Variants in OR10A6 observed in about 807,000 individuals in gnomAD.
OR10A6 encodes olfactory receptor 10A6.
A neutral mutation model predicts 1.5 loss-of-function variants in OR10A6; 2 were observed. The ratio of observed to expected loss-of-function variants is 1.31; its 90% CI spans 0.54 to 4.13. The LOEUF is 4.13. Among genes scored for constraint, OR10A6 ranks in the 30% most tolerant of loss-of-function variants. The pLI, the probability that OR10A6 is intolerant of heterozygous loss-of-function variation, is 0.07. For synonymous variants in OR10A6, 169 were observed against 137.3 expected, an observed-to-expected ratio of 1.23 and a Z score of -1.61; for missense variants, 492 against 368.6, an observed-to-expected ratio of 1.33 and a Z score of -2.74.
Position 7,930,021 on chromosome 11 carries a change from A to T in OR10A6, c.-1359T>A, listed in dbSNP as rs1859505758. On this transcript the variant is annotated 5_prime_UTR_variant, in exon 4 of 4. Transcript: ENST00000641238. ...AATCCCTCACTAGAGCTTAGCTCCC[A>T]GAGGGCAAAGATTTTGTTTGCTTCT... 1 of 87,708 alleles carries T rather than the reference A, an allele frequency of 1.1e-5. No homozygotes were observed. The highest frequency in any genetic ancestry group is 2.1e-5 in the Non-Finnish European group (1 of 46,692). The allele number at this position is 87,708 out of a possible 1,614,324, so 5.4% of individuals were successfully genotyped here. A position where few individuals can be genotyped will look rare whatever the true frequency, so the allele number is the denominator to read the frequency against.
chr11:7,926,908 A>G lies in OR10A6; in HGVS notation c.*810T>C, dbSNP rs902664197. ...TTATGTCCCACAACAAAAAAACACA[A>G]TCATACATTGTTTGGCCTGTATGAG... is the stretch of plus-strand genomic sequence containing the variant. On this transcript the variant is annotated 3_prime_UTR_variant, in exon 4 of 4. Transcript: ENST00000641238. 24 of 152,204 alleles carry G rather than the reference A, an allele frequency of 1.6e-4. No individual in the cohort carries two copies. The highest frequency in any genetic ancestry group is 3.2e-3 in the Middle Eastern group (1 of 316). 9.4% of individuals were successfully genotyped at this position (152,204 alleles called of 1,614,324 possible).
At position 7,927,530 on chromosome 11, in the gene OR10A6, T is replaced by TA. The variant is rs1315449324; in HGVS notation, c.*187dup. 22 of 517,336 alleles carry TA rather than the reference T, an allele frequency of 4.3e-5. No individual in the cohort carries two copies. Among genetic ancestry groups the TA allele is most frequent in the Non-Finnish European group, 7.1e-5 (21 of 295,316 alleles). 32.0% of individuals were successfully genotyped at this position (517,336 alleles called of 1,614,324 possible). The stretch of plus-strand genomic sequence containing the variant: ...TGTTATATTCAATATTAAGGAATAT[T>TA]ATGCACTGGTGAAAAAACTAAAAAC... On this transcript the variant is annotated 3_prime_UTR_variant, in exon 4 of 4. Coordinates refer to ENST00000641238, the MANE Select transcript of OR10A6 (RefSeq NM_001004461.2).
Position 7,926,212 on chromosome 11 carries a change from C to G in OR10A6, c.*1506G>C, listed in dbSNP as rs1029414253. The G allele has an allele frequency of 6.6e-6, 1 of 152,512 alleles. No individual in the cohort carries two copies. Among genetic ancestry groups the G allele is most frequent in the Non-Finnish European group, 1.5e-5 (1 of 68,320 alleles). 9.4% of individuals were successfully genotyped at this position (152,512 alleles called of 1,614,324 possible). On this transcript the variant is annotated 3_prime_UTR_variant, in exon 4 of 4. Coordinates refer to ENST00000641238, the MANE Select transcript of OR10A6 (RefSeq NM_001004461.2). Reference sequence around the variant, plus strand: ...TGCCTTCCAGTAGGGGAACCACCCCCCATATCCCCTCTCTGCTGACAGTTG... The same window carrying G: ...TGCCTTCCAGTAGGGGAACCACCCCGCATATCCCCTCTCTGCTGACAGTTG...
Position 7,927,555 on chromosome 11 carries a change from C to T in OR10A6, c.*163G>A. The stretch of plus-strand genomic sequence containing the variant: ...TATGCACTGGTGAAAAAACTAAAAA[C>T]ATTAACATATAAAGATGCTCCTGAT... On this transcript the variant is annotated 3_prime_UTR_variant, in exon 4 of 4. Coordinates refer to ENST00000641238, the MANE Select transcript of OR10A6 (RefSeq NM_001004461.2). 1.9e-6 allele frequency: 1 copy of T among 535,454 alleles called. No individual in the cohort carries two copies. The highest frequency in any genetic ancestry group is 2.9e-5 in the East Asian group (1 of 34,618). 33.2% of individuals were successfully genotyped at this position (535,454 alleles called of 1,614,324 possible).
At position 7,927,802 on chromosome 11, in the gene OR10A6, C is replaced by A. The variant is rs771670927; in HGVS notation, c.861G>T (p.Leu287=). ...CACTATTTCGCAAACTGTAGATAAG[C>A]AGATTCAGCAGTGGTGTCAGAAGTG... is the stretch of plus-strand genomic sequence containing the variant. The part of the protein sequence containing the change: ...SYSLLTPLLN[L]LIYSLRNSEM... Residue 287 remains leucine (L), a synonymous_variant, in exon 4 of 4, where the codon CTG becomes CTT. Transcript: ENST00000641238. The A allele has an allele frequency of 6.2e-7, 1 of 1,613,886 alleles. No individual in the cohort carries two copies. Among genetic ancestry groups the A allele is most frequent in the East Asian group, 2.2e-5 (1 of 44,868 alleles).
rs1173244223 is a variant in OR10A6 at position 7,927,225 on chromosome 11, T to C, written c.*493A>G. ...AGAAGCAGAAAATCTCATCTCGTTA[T>C]TGTAGGCTTCTTGGCATACAACATA... On this transcript the variant is annotated 3_prime_UTR_variant, in exon 4 of 4. Transcript: ENST00000641238. 6.6e-6 allele frequency: 1 copy of C among 152,528 alleles called. No homozygotes were observed. Among genetic ancestry groups the C allele is most frequent in the African/African-American group, 2.4e-5 (1 of 41,480 alleles). 9.4% of individuals were successfully genotyped at this position (152,528 alleles called of 1,614,324 possible).
Position 7,928,622 on chromosome 11 carries a change from A to G in OR10A6, c.41T>C (p.Leu14Pro). Residue 14 changes from leucine (L) to proline (P), a missense_variant, in exon 4 of 4, where the codon CTC becomes CCC. Leu to Pro is a moderately conservative substitution (Grantham distance 98). Transcript: ENST00000641238. ...CTCAGGATAGTTAGAAAAGCCCAAG[A>G]GGATGAATTCAACCACACAGCTTTG... ...QNQSCVVEFI[L>P]LGFSNYPELQ... 1 of 1,606,042 alleles carries G rather than the reference A, an allele frequency of 6.2e-7. No homozygotes were observed. The highest frequency in any genetic ancestry group is 8.5e-7 in the Non-Finnish European group (1 of 1,177,842).
rs61880896 is a variant in OR10A6, at chr11:7,927,564, A to T, written c.*154T>A. 3 of 557,268 alleles carry T rather than the reference A, an allele frequency of 5.4e-6. No individual in the cohort carries two copies. The highest frequency in any genetic ancestry group is 6.7e-5 in the Admixed American group (2 of 29,782). 34.5% of individuals were successfully genotyped at this position (557,268 alleles called of 1,614,324 possible). A position where few individuals can be genotyped will look rare whatever the true frequency, so the allele number is the denominator to read the frequency against. On this transcript the variant is annotated 3_prime_UTR_variant, in exon 4 of 4. Coordinates refer to ENST00000641238, the MANE Select transcript of OR10A6 (RefSeq NM_001004461.2). ...GTGAAAAAACTAAAAACATTAACATATAAAGATGCTCCTGATATACAATCA... is the reference window on the plus strand; with the variant it reads ...GTGAAAAAACTAAAAACATTAACATTTAAAGATGCTCCTGATATACAATCA...
rs1333779930 is a variant in OR10A6, at chr11:7,925,973, T to A, written c.*1745A>T. ...ACTCTGGGACCGGATTGAGAACTTATCTTCCCATTTCACATACTTTCCTCT... is the reference window on the plus strand; with the variant it reads ...ACTCTGGGACCGGATTGAGAACTTAACTTCCCATTTCACATACTTTCCTCT... On this transcript the variant is annotated 3_prime_UTR_variant, in exon 4 of 4. Coordinates refer to ENST00000641238, the MANE Select transcript of OR10A6 (RefSeq NM_001004461.2). 1 of 152,232 alleles carries A rather than the reference T, an allele frequency of 6.6e-6. No individual in the cohort carries two copies. The highest frequency in any genetic ancestry group is 2.1e-4 in the South Asian group (1 of 4,838). 9.4% of individuals were successfully genotyped at this position (152,232 alleles called of 1,614,324 possible).
rs747097324 is a variant in OR10A6, at chr11:7,928,077, C to G, written c.586G>C (p.Glu196Gln). Residue 196 changes from glutamate to glutamine, a missense_variant, in exon 4 of 4, where the codon GAA becomes CAA. Coordinates refer to ENST00000641238, the MANE Select transcript of OR10A6 (RefSeq NM_001004461.2). ...ELACADTFLF[E>Q]IYAFTGTFLI... is the part of the protein sequence containing the mutation. ...AAGGTGCCTGTGAATGCATAGATTTCAAACAAAAACGTGTCTGCACATGCA... is the reference window on the plus strand; with the variant it reads ...AAGGTGCCTGTGAATGCATAGATTTGAAACAAAAACGTGTCTGCACATGCA... 2 of 1,613,806 alleles carry G rather than the reference C, an allele frequency of 1.2e-6. No homozygotes were observed. The highest frequency in any genetic ancestry group is 2.7e-5 in the African/African-American group (2 of 74,914).
Position 7,927,892 on chromosome 11 carries a change from C to T in OR10A6, c.771G>A (p.Met257Ile), listed in dbSNP as rs774433969. The change falls in exon 4 of 4, where the codon ATG becomes ATA. Residue 257 changes from methionine (M) to isoleucine (I), a missense_variant. By Grantham distance (10) the Met-to-Ile change is conservative. Coordinates refer to ENST00000641238, the MANE Select transcript of OR10A6 (RefSeq NM_001004461.2). ...AGCCAGATTTGGGTTGTAAATAAGT[C>T]ATACTGGCTGTGCCATAGAATAGGG... ...SVTLFYGTASMTYLQPKSGYS... is the reference protein window; with the variant it reads ...SVTLFYGTASITYLQPKSGYS... 6.2e-7 allele frequency: 1 copy of T among 1,613,972 alleles called. No individual in the cohort carries two copies. The highest frequency in any genetic ancestry group is 8.5e-7 in the Non-Finnish European group (1 of 1,179,986).
rs1211809248 is a variant in OR10A6, at chr11:7,930,319, G to A, written c.-1657C>T. 1 of 152,006 alleles carries A rather than the reference G, an allele frequency of 6.6e-6. No homozygotes were observed. The highest frequency in any genetic ancestry group is 1.5e-5 in the Non-Finnish European group (1 of 68,012). The allele number at this position is 152,006 out of a possible 1,614,324, so 9.4% of individuals were successfully genotyped here. A position where few individuals can be genotyped will look rare whatever the true frequency, so the allele number is the denominator to read the frequency against. On this transcript the variant is annotated 5_prime_UTR_variant, in exon 4 of 4. Coordinates refer to ENST00000641238, the MANE Select transcript of OR10A6 (RefSeq NM_001004461.2). ...TGAATGGAAGGCCATTAGGTCGGAGGAGGATGGCAGGAGGAGGAAAACTGA... is the reference window on the plus strand; with the variant it reads ...TGAATGGAAGGCCATTAGGTCGGAGAAGGATGGCAGGAGGAGGAAAACTGA...
In OR10A6 at chr11:7,924,963, T is replaced by C. The variant is rs1476982692; in HGVS notation, c.*2755A>G. On this transcript the variant is annotated 3_prime_UTR_variant, in exon 4 of 4. Coordinates refer to ENST00000641238, the MANE Select transcript of OR10A6 (RefSeq NM_001004461.2). Reference sequence around the variant, plus strand: ...CCACCTATATATCACTAGTCAGAACTGTGTCACAAACCACCCTTGTTCAAA... The same window carrying C: ...CCACCTATATATCACTAGTCAGAACCGTGTCACAAACCACCCTTGTTCAAA... 1 of 152,216 alleles carries C rather than the reference T, an allele frequency of 6.6e-6. No homozygotes were observed. Among genetic ancestry groups the C allele is most frequent in the Non-Finnish European group, 1.5e-5 (1 of 68,056 alleles). 9.4% of individuals were successfully genotyped at this position (152,216 alleles called of 1,614,324 possible). A position where few individuals can be genotyped will look rare whatever the true frequency, so the allele number is the denominator to read the frequency against.
chr11:7,928,646 T>A lies in OR10A6; in HGVS notation c.17A>T (p.Gln6Leu). Reference protein sequence around the residue: MERQNQSCVVEFILLG... With the variant: MERQNLSCVVEFILLG... ...GAGGATGAATTCAACCACACAGCTT[T>A]GATTTTGTCTTTCCATTTTCAGTAA... The change falls in exon 4 of 4, where the codon CAA (glutamine) becomes CTA (leucine). Residue 6 changes from glutamine to leucine, a missense_variant. By Grantham distance (113) the Gln-to-Leu change is moderately radical. Coordinates refer to ENST00000641238, the MANE Select transcript of OR10A6 (RefSeq NM_001004461.2). 1 of 1,600,562 alleles carries A rather than the reference T, an allele frequency of 6.2e-7. No individual in the cohort carries two copies. Among genetic ancestry groups the A allele is most frequent in the Non-Finnish European group, 8.5e-7 (1 of 1,175,454 alleles).
chr11:7,928,673 G>C lies in OR10A6; in HGVS notation c.-11C>G, dbSNP rs1859468218. On this transcript the variant is annotated 5_prime_UTR_variant, in exon 4 of 4. Transcript: ENST00000641238. Reference sequence around the variant, plus strand: ...ATTTTGTCTTTCCATTTTCAGTAATGAAGTCGTGCATTGATTTTATGGACA... The same window carrying C: ...ATTTTGTCTTTCCATTTTCAGTAATCAAGTCGTGCATTGATTTTATGGACA... 1 of 1,573,890 alleles carries C rather than the reference G, an allele frequency of 6.4e-7. No individual in the cohort carries two copies.
chr11:7,928,606 G>C lies in OR10A6; in HGVS notation c.57C>G (p.Asn19Lys). ...AGAGCTGCCCCTGGAGCTCAGGATA[G>C]TTAGAAAAGCCCAAGAGGATGAATT... ...VVEFILLGFS[N>K]YPELQGQLFV... The change falls in exon 4 of 4, where the codon AAC becomes AAG. Residue 19 changes from asparagine to lysine, a missense_variant. By Grantham distance (94) the Asn-to-Lys change is moderately conservative. Coordinates refer to ENST00000641238, the MANE Select transcript of OR10A6 (RefSeq NM_001004461.2). The C allele has an allele frequency of 1.1e-5, 17 of 1,610,114 alleles. No homozygotes were observed. The highest frequency in any genetic ancestry group is 1.4e-5 in the Non-Finnish European group (16 of 1,178,884).
rs763554303 is a variant in OR10A6 at position 7,928,123 on chromosome 11, T to G, written c.540A>C (p.Glu180Asp). Residue 180 changes from glutamate to aspartate, a missense_variant, in exon 4 of 4, where the codon GAA (glutamate) becomes GAC (aspartate). Physicochemically the swap from Glu to Asp is conservative, Grantham distance 45. Coordinates refer to ENST00000641238, the MANE Select transcript of OR10A6 (RefSeq NM_001004461.2). Reference protein sequence around the residue: ...GLNEINHISCETPAVLELACA... With the variant: ...GLNEINHISCDTPAVLELACA... ...ATGCAAGTTCTAACACTGCTGGGGT[T>G]TCACAAGATATATGGTTAATTTCAT... 2 of 1,613,944 alleles carry G rather than the reference T, an allele frequency of 1.2e-6. No individual in the cohort carries two copies. The highest frequency in any genetic ancestry group is 1.3e-5 in the African/African-American group (1 of 75,036).
Position 7,928,278 on chromosome 11 carries a change from G to T in OR10A6, c.385C>A (p.Pro129Thr). 6.8e-6 allele frequency: 11 copies of T among 1,613,682 alleles called. No individual in the cohort carries two copies. The highest frequency in any genetic ancestry group is 9.3e-6 in the Non-Finnish European group (11 of 1,179,784). The change falls in exon 4 of 4, where the codon CCT becomes ACT. Residue 129 changes from proline (P) to threonine (T), a missense_variant. Pro to Thr is a conservative substitution (Grantham distance 38, BLOSUM62 -1). Transcript: ENST00000641238. ...AYDRFAAICH[P>T]LNYQMIMNKG... is the part of the protein sequence containing the mutation. ...TTCATAATCATTTGGTAGTTGAGAG[G>T]ATGGCAAATTGCAGCAAATCGGTCA...
chr11:7,926,716 G>A lies in OR10A6; in HGVS notation c.*1002C>T, dbSNP rs376686986. The stretch of plus-strand genomic sequence containing the variant: ...TATTTATTATAGCAATATTAAAATA[G>A]GAAGCAAGAATGAAATGTTATATTT... On this transcript the variant is annotated 3_prime_UTR_variant, in exon 4 of 4. Transcript: ENST00000641238. 3.3e-5 allele frequency: 5 copies of A among 152,188 alleles called. No homozygotes were observed. The highest frequency in any genetic ancestry group is 3.9e-4 in the East Asian group (2 of 5,180). The allele number at this position is 152,188 out of a possible 1,614,324, so 9.4% of individuals were successfully genotyped here.
Sources: gnomAD v4.1 joint callset for allele counts on GRCh38, gnomAD v4.1.1 for gene constraint, MANE v1.5 for transcripts, NCBI Gene and HGNC (gene_info 2026-07-23, HGNC 2026-07-21) for gene names.